The following PAN3 variants were observed in gnomAD, a reference collection of about 807,000 sequenced individuals.
PAN3 encodes the protein poly(A) specific ribonuclease subunit PAN3.
In PAN3, 19 loss-of-function variants were observed where a neutral mutation model predicts 96.2. The ratio of observed to expected loss-of-function variants is 0.20; its 90% CI spans 0.14 to 0.29. The LOEUF (loss-of-function observed/expected upper bound fraction) is 0.29. Ranked by LOEUF, PAN3 falls within the 10% of genes least tolerant of loss-of-function variation. The pLI, the probability that PAN3 is intolerant of heterozygous loss-of-function variation, is 1.00. For missense variants in PAN3, 882 were observed against 1,108.1 expected (o/e 0.80, Z 2.90); for synonymous variants, 433 against 406.6 (o/e 1.06, Z -0.78).
Position 28,292,700 on chromosome 13 carries a change from A to T in PAN3, c.*178A>T. Reference sequence around the variant, plus strand: ...GAAAGGAAGAATGTTTCACTTACCCAAGAGCTATGGCTGCCATTGGAGGCT... The same window carrying T: ...GAAAGGAAGAATGTTTCACTTACCCTAGAGCTATGGCTGCCATTGGAGGCT... On this transcript the variant is annotated 3_prime_UTR_variant, in exon 19 of 19. Transcript: ENST00000380958. 2.1e-6 allele frequency: 1 copy of T among 474,408 alleles called. No individual in the cohort carries two copies. Among genetic ancestry groups the T allele is most frequent in the Non-Finnish European group, 3.5e-6 (1 of 287,524 alleles). The allele number at this position is 474,408 out of a possible 1,614,324, so 29.4% of individuals were successfully genotyped here.
chr13:28,209,642 A>G (rs1338994863), intron 5 of PAN3, among the ~76,000 whole-genome samples: 1 of 152,028 alleles, frequency 6.6e-6, no homozygotes, highest in Non-Finnish European at 1.5e-5. Context: ...AACCTTATCT[A>G]CTTGTGTCAT....
chr13:28,161,153 A>T (rs1872835118), intron 1 of PAN3, among the ~76,000 whole-genome samples: 1 of 151,918 alleles, frequency 6.6e-6, no homozygotes, highest in Non-Finnish European at 1.5e-5. Context: ...TTTTAGTTTA[A>T]TCTATATTTA....
chr13:28,177,835 G>T (rs751755156), intron 3 of PAN3, 30 bp from the exon 4 acceptor site: 2 of 1,575,294 alleles, frequency 1.3e-6, no homozygotes, highest in African/African-American at 1.4e-5. Flanking sequence ...CAAGTTTTAT[G>T]TGTGGAAACT....
Position 28,256,273 on chromosome 13 carries a change from AT to A in PAN3, c.1001-14del. 4 of 1,602,930 alleles carry A rather than the reference AT, an allele frequency of 2.5e-6. No individual in the cohort carries two copies. The highest frequency in any genetic ancestry group is 3.4e-6 in the Non-Finnish European group (4 of 1,174,372). Reference sequence around the variant, plus strand: ...ACCAATTATTGCTCCATTAAGAAACATTTTTACATCTTCTTCAGGAATGTCG... The same window carrying A: ...ACCAATTATTGCTCCATTAAGAAACATTTTACATCTTCTTCAGGAATGTCG... On this transcript the variant is annotated intron_variant, in intron 6 of 18. Coordinates refer to ENST00000380958, the MANE Select transcript of PAN3 (RefSeq NM_175854.8).
chr13:28,145,641 C>T (rs1870527372), intron 1 of PAN3, among the ~76,000 whole-genome samples: 1 of 151,360 alleles, frequency 6.6e-6, no homozygotes, highest in Non-Finnish European at 1.5e-5. Flanking sequence ...TTGTTTTTAA[C>T]TTTTAATTTT....
chr13:28,182,201 A>G (rs1441812586), intron 4 of PAN3, among the ~76,000 whole-genome samples: 1 of 152,226 alleles, frequency 6.6e-6, no homozygotes, highest in East Asian at 1.9e-4. Flanking sequence ...CTTGCTGATG[A>G]TTCTTGCTAA....
At chr13:28,139,378 G>C (rs1593335956) in intron 1 of PAN3, among the ~76,000 whole-genome samples, 1 of 150,252 alleles carries the variant, frequency 6.7e-6, no homozygotes, top group Non-Finnish European at 1.5e-5. Context: ...GGGCTGTGGC[G>C]TGCGGAGTGT....
intron 4 of PAN3, among the ~76,000 whole-genome samples, chr13:28,182,935 G>A (rs1485670704): frequency 6.6e-6 from 1 of 152,088 alleles, no homozygotes; most frequent in African/African-American, 2.4e-5. Context: ...TTATTCTAAA[G>A]TCTTCCTTTG....
At chr13:28,238,231 CAA>C (rs1452440308) in intron 6 of PAN3, among the ~76,000 whole-genome samples, 1 of 152,080 alleles carries the variant, frequency 6.6e-6, no homozygotes, top group African/African-American at 2.4e-5. Flanking sequence ...TCATTTGAAC[CAA>C]AGAGTACAGA....
chr13:28,280,283 G>A (rs1593628348), intron 15 of PAN3, 129 bp from the exon 16 acceptor site: 1 of 1,105,304 alleles, frequency 9.0e-7, no homozygotes, highest in South Asian at 1.7e-5. Flanking sequence ...AACTTGACTT[G>A]CATGAATTAA....
At chr13:28,237,717 C>G (rs1490871496) in intron 6 of PAN3, among the ~76,000 whole-genome samples, 1 of 152,116 alleles carries the variant, frequency 6.6e-6, no homozygotes, top group South Asian at 2.1e-4. Flanking sequence ...TCCCTCAAGT[C>G]TCCTTTTTTA....
intron 6 of PAN3, among the ~76,000 whole-genome samples, chr13:28,224,441 CTTAA>C (rs918950638): frequency 2.0e-5 from 3 of 152,120 alleles, no homozygotes; most frequent in African/African-American, 7.2e-5. Context: ...TCTCCTTCTG[CTTAA>C]TTATCATGTG....
chr13:28,214,908 C>A, intron 5 of PAN3: 1 of 1,081,980 alleles, frequency 9.2e-7, no homozygotes, highest in Non-Finnish European at 1.4e-6. Flanking sequence ...CAAGAATGGG[C>A]AGGCTGGCGA....
intron 14 of PAN3, among the ~76,000 whole-genome samples, chr13:28,273,632 T>G (rs1464572619): frequency 6.6e-6 from 1 of 152,124 alleles, no homozygotes; most frequent in African/African-American, 2.4e-5. Context: ...TGTTTTTGCC[T>G]TGATTACTCT....
At chr13:28,214,841 T>A (rs886689757) in intron 5 of PAN3, 8 of 679,824 alleles carry the variant, frequency 1.2e-5, no homozygotes, top group Non-Finnish European at 1.9e-5. Flanking sequence ...CATCTCAGGC[T>A]GACTGTGCTG....
intron 9 of PAN3, among the ~76,000 whole-genome samples, chr13:28,262,880 A>G (rs1593591102): frequency 6.6e-6 from 1 of 152,226 alleles, no homozygotes; most frequent in African/African-American, 2.4e-5. Context: ...AGATTTCAGC[A>G]GGGGAGATTT....
Position 28,211,068 on chromosome 13 carries a change from A to AT in PAN3, c.853-9150dup, listed in dbSNP as rs540128849. Among the ~76,000 whole-genome samples the AT allele has an allele frequency of 3.1e-3, 459 of 146,778 alleles. 2 individuals are homozygous for AT. The highest frequency in any genetic ancestry group is 8.0e-3 in the African/African-American group (323 of 40,276). On this transcript the variant is annotated intron_variant, in intron 5 of 18. Transcript: ENST00000380958. Reference sequence around the variant, plus strand: ...CACCACACCTGGCTAATTTAAAAAAATTTTTTTTTTTTTGTAGAGAGAGTG... The same window carrying AT: ...CACCACACCTGGCTAATTTAAAAAAATTTTTTTTTTTTTTGTAGAGAGAGTG...
intron 1 of PAN3, among the ~76,000 whole-genome samples, chr13:28,160,968 A>C (rs1238678011): frequency 2.0e-5 from 3 of 152,202 alleles, no homozygotes; most frequent in African/African-American, 7.2e-5. Flanking sequence ...AAATCCTTGT[A>C]ATAATTTCTT....
chr13:28,187,304 G>GA (rs1876606580), intron 4 of PAN3, among the ~76,000 whole-genome samples: 1 of 152,098 alleles, frequency 6.6e-6, no homozygotes, highest in Non-Finnish European at 1.5e-5. Context: ...TCCAGCCTGG[G>GA]AAACAGAGCA....
Sources: allele counts gnomAD v4.1 joint callset (sites outside exome capture counted in the v4.1 genomes callset), GRCh38; gene constraint gnomAD v4.1.1; transcripts MANE v1.5; gene names NCBI Gene and HGNC (gene_info 2026-07-23, HGNC 2026-07-21).